Variants in PDAP1 observed in about 807,000 individuals in gnomAD.
The protein encoded by PDAP1 is PDGFA associated protein 1, also known as 28 kDa heat- and acid-stable phosphoprotein.
Under a neutral mutation model 28.0 loss-of-function variants are expected in PDAP1, and 13 were observed. The ratio of observed to expected loss-of-function variants is 0.46; its 90% CI spans 0.30 to 0.74. PDAP1 has a LOEUF of 0.74. Ranked by LOEUF, PDAP1 falls within the 30% of genes least tolerant of loss-of-function variation. The pLI is 0.07. For missense variants in PDAP1, 150 were observed against 230.0 expected (o/e 0.65, Z 2.25); for synonymous variants, 77 against 85.1 (o/e 0.91, Z 0.52).
intron 2 of PDAP1, 161 bp from the exon 3 acceptor site, chr7:99,403,666 A>G: frequency 2.9e-6 from 2 of 689,424 alleles, no homozygotes; most frequent in Non-Finnish European, 2.6e-6. Context: ...CCCCCAGGGA[A>G]TGGGACCTGG....
At position 99,399,801 on chromosome 7, in the gene PDAP1, T is replaced by C. The variant is rs149794709; in HGVS notation, c.335+502A>G. On this transcript the variant is annotated intron_variant, in intron 4 of 5. Coordinates refer to ENST00000350498, the MANE Select transcript of PDAP1 (RefSeq NM_014891.7). Reference sequence around the variant, plus strand: ...CTGTGCCAGGCACTTCAGTACATGATCTTGATCCTCATACGACTCTTGAGG... The same window carrying C: ...CTGTGCCAGGCACTTCAGTACATGACCTTGATCCTCATACGACTCTTGAGG... Among the ~76,000 whole-genome samples, 1,328 of 152,350 alleles carry C rather than the reference T, an allele frequency of 8.7e-3. 11 individuals carry two copies. Among genetic ancestry groups the C allele is most frequent in the Non-Finnish European group, 0.014 (959 of 68,030 alleles).
chr7:99,407,389 G>A (rs746481879), intron 1 of PDAP1, among the ~76,000 whole-genome samples: 14 of 152,160 alleles, frequency 9.2e-5, no homozygotes, highest in Non-Finnish European at 1.6e-4. Flanking sequence ...AAGGGACTGG[G>A]GAACAATAGC....
At position 99,396,292 on chromosome 7, in the gene PDAP1, A is replaced by T; in HGVS notation, c.*390T>A. ...GGCAACACAGTCCGGGGCTGTGTGT[A>T]GCAAACCTGTCAGCAGCTGCCTCCT... On this transcript the variant is annotated 3_prime_UTR_variant, in exon 6 of 6. Transcript: ENST00000350498. 3.0e-6 allele frequency: 1 copy of T among 331,402 alleles called. No individual in the cohort carries two copies. Among genetic ancestry groups the T allele is most frequent in the Non-Finnish European group, 5.9e-6 (1 of 170,668 alleles). 20.5% of individuals were successfully genotyped at this position (331,402 alleles called of 1,614,324 possible). A position where few individuals can be genotyped will look rare whatever the true frequency, so the allele number is the denominator to read the frequency against.
chr7:99,405,760 G>A (rs896293414), intron 1 of PDAP1, among the ~76,000 whole-genome samples: 8 of 152,116 alleles, frequency 5.3e-5, no homozygotes, highest in East Asian at 1.9e-4. Context: ...AGCAGACTGC[G>A]AAACACCACG....
chr7:99,400,310 T>C lies in PDAP1; in HGVS notation c.328A>G (p.Arg110Gly). 3.7e-6 allele frequency: 6 copies of C among 1,613,716 alleles called. No individual in the cohort carries two copies. The highest frequency in any genetic ancestry group is 5.1e-6 in the Non-Finnish European group (6 of 1,179,848). ...DLDGPKELSR[R>G]EREEIEKQKA... ...CCCAGCCAGTGATGTTACCGTTCTC[T>C]CCTCGAAAGCTCCTTTGGCCCGTCC... Residue 110 changes from arginine to glycine, a missense_variant, in exon 4 of 6, where the codon AGA (arginine) becomes GGA (glycine). Arg to Gly is a moderately radical substitution (Grantham distance 125). Coordinates refer to ENST00000350498, the MANE Select transcript of PDAP1 (RefSeq NM_014891.7).
rs758774335 is a variant in PDAP1 at position 99,404,927 on chromosome 7, C to A, written c.40G>T (p.Ala14Ser). 2.5e-6 allele frequency: 4 copies of A among 1,613,872 alleles called. No individual in the cohort carries two copies. The highest frequency in any genetic ancestry group is 3.4e-6 in the Non-Finnish European group (4 of 1,180,000). ...TCCTCAGGGCTTGTATACTGCCTCG[C>A]CCGGCCTTTGTGGCCTCCCTTTCTT... ...GGRKGGHKGR[A>S]RQYTSPEEID... Residue 14 changes from alanine (A) to serine (S), a missense_variant, in exon 2 of 6, where the codon GCG becomes TCG. Coordinates refer to ENST00000350498, the MANE Select transcript of PDAP1 (RefSeq NM_014891.7).
At position 99,401,729 on chromosome 7, in the gene PDAP1, C is replaced by T. The variant is rs146942493; in HGVS notation, c.214-1305G>A. ...TTTTTTTTTTTTTGAGACGGAGTCTCACTCTGTCGCCCAGGCTGGAGTGCA... is the reference window on the plus strand; with the variant it reads ...TTTTTTTTTTTTTGAGACGGAGTCTTACTCTGTCGCCCAGGCTGGAGTGCA... On this transcript the variant is annotated intron_variant, in intron 3 of 5. Coordinates refer to ENST00000350498, the MANE Select transcript of PDAP1 (RefSeq NM_014891.7). Among the ~76,000 whole-genome samples the T allele has an allele frequency of 4.9e-3, 732 of 149,302 alleles. 6 individuals carry two copies. The highest frequency in any genetic ancestry group is 0.017 in the African/African-American group (710 of 40,586).
intron 3 of PDAP1, 108 bp from the exon 4 acceptor site, chr7:99,400,532 T>A: frequency 7.8e-7 from 1 of 1,287,120 alleles, no homozygotes; most frequent in Admixed American, 2.0e-5. Context: ...AAACTCCTGC[T>A]CCACCCCAGC....
At chr7:99,403,959 T>TC (rs1013892528) in intron 2 of PDAP1, among the ~76,000 whole-genome samples, 2 of 151,874 alleles carry the variant, frequency 1.3e-5, no homozygotes, top group African/African-American at 2.4e-5. Context: ...TGGCAAGTCA[T>TC]CCCCCCGACC....
At position 99,396,639 on chromosome 7, in the gene PDAP1, C is replaced by T. The variant is rs755378859; in HGVS notation, c.*43G>A. On this transcript the variant is annotated 3_prime_UTR_variant, in exon 6 of 6. Coordinates refer to ENST00000350498, the MANE Select transcript of PDAP1 (RefSeq NM_014891.7). ...GGGCGAGACACAGCAGAGGTCCTGG[C>T]AGCGCGGCCCAGGTCCCCGGCATCT... 6.5e-7 allele frequency: 1 copy of T among 1,531,540 alleles called. No individual in the cohort carries two copies. The highest frequency in any genetic ancestry group is 1.7e-5 in the Admixed American group (1 of 59,908). 94.9% of individuals were successfully genotyped at this position (1,531,540 alleles called of 1,614,324 possible).
chr7:99,398,188 G>C (rs1212835002), intron 4 of PDAP1, among the ~76,000 whole-genome samples, 175 bp from the exon 5 acceptor site: 3 of 152,244 alleles, frequency 2.0e-5, no homozygotes, highest in African/African-American at 7.2e-5. Context: ...CCAAGCAAGT[G>C]AGCAGGAGGG....
chr7:99,398,157 C>A, intron 4 of PDAP1, 144 bp from the exon 5 acceptor site: 1 of 844,492 alleles, frequency 1.2e-6, no homozygotes, highest in Admixed American at 2.1e-5. Context: ...CTCCATGAAC[C>A]CCCTGCTTGG....
rs372418252 is a variant in PDAP1, at chr7:99,396,654, C to T, written c.*28G>A. ...GAGGTCCTGGCAGCGCGGCCCAGGT[C>T]CCCGGCATCTCCTCCCACGGGTCGC... On this transcript the variant is annotated 3_prime_UTR_variant, in exon 6 of 6. Transcript: ENST00000350498. The T allele has an allele frequency of 9.4e-6, 15 of 1,599,086 alleles. No homozygotes were observed. The highest frequency in any genetic ancestry group is 8.9e-5 in the East Asian group (4 of 44,806).
intron 2 of PDAP1, 52 bp from the exon 3 acceptor site, chr7:99,403,557 A>T (rs1451479504): frequency 1.7e-6 from 2 of 1,154,746 alleles, no homozygotes; most frequent in Non-Finnish European, 2.6e-6. Context: ...ACAAATCCCC[A>T]AGACTGTGAC....
Position 99,408,536 on chromosome 7 carries a change from C to A in PDAP1, c.13G>T (p.Gly5Ter). 1 of 1,289,732 alleles carries A rather than the reference C, an allele frequency of 7.8e-7. No homozygotes were observed. The highest frequency in any genetic ancestry group is 9.8e-7 in the Non-Finnish European group (1 of 1,015,860). 79.9% of individuals were successfully genotyped at this position (1,289,732 alleles called of 1,614,324 possible). The change falls in exon 1 of 6, where the codon GGA becomes TGA. Residue 5 changes from glycine to a stop codon, truncating the protein, a stop_gained and splice_region_variant. Coordinates refer to ENST00000350498, the MANE Select transcript of PDAP1 (RefSeq NM_014891.7). LOFTEE classifies it high-confidence loss of function. ...CGGGCCACCGGCGCCCGCCCCTCAC[C>A]TCCTTTAGGCATTGCGGCTCCGGCG... The part of the protein sequence containing the change: MPKG[G>*]RKGGHKGRAR...
At position 99,396,390 on chromosome 7, in the gene PDAP1, A is replaced by T. The variant is rs1251041335; in HGVS notation, c.*292T>A. On this transcript the variant is annotated 3_prime_UTR_variant, in exon 6 of 6. Transcript: ENST00000350498. ...GCTCTTCTTACCCCATCTCCCAGGC[A>T]CCCCCCAGCAAGGGCTCTGAATTCT... is the stretch of plus-strand genomic sequence containing the variant. 2 of 476,388 alleles carry T rather than the reference A, an allele frequency of 4.2e-6. No individual in the cohort carries two copies. The highest frequency in any genetic ancestry group is 2.0e-5 in the African/African-American group (1 of 50,450). 29.5% of individuals were successfully genotyped at this position (476,388 alleles called of 1,614,324 possible).
At chr7:99,397,776 G>A (rs191201016) in intron 5 of PDAP1, 86 bp downstream of exon 5, 92 of 1,519,006 alleles carry the variant, frequency 6.1e-5, no homozygotes, top group Admixed American at 1.4e-4. Flanking sequence ...TTGTCACCTC[G>A]CGGACAGGGA....
At chr7:99,402,042 G>A (rs1440465442) in intron 3 of PDAP1, among the ~76,000 whole-genome samples, 1 of 151,910 alleles carries the variant, frequency 6.6e-6, no homozygotes, top group African/African-American at 2.4e-5. Flanking sequence ...GGCCAAGGCA[G>A]GCAGATCACG....
intron 3 of PDAP1, among the ~76,000 whole-genome samples, chr7:99,402,893 A>AG (rs1164171995): frequency 1.6e-5 from 2 of 127,484 alleles, no homozygotes; most frequent in African/African-American, 8.7e-5. Flanking sequence ...AAAAAAAAAA[A>AG]AAAGAAAAGA....
Sources: gnomAD v4.1 joint callset for allele counts (sites outside exome capture counted in the v4.1 genomes callset) on GRCh38, gnomAD v4.1.1 for gene constraint, MANE v1.5 for transcripts, NCBI Gene and HGNC (gene_info 2026-07-23, HGNC 2026-07-21) for gene names.